The following NPSR1 variants were observed in gnomAD, a reference collection of about 807,000 sequenced individuals.
NPSR1 encodes the protein neuropeptide S receptor.
In NPSR1, 48 loss-of-function variants were observed where a neutral mutation model predicts 46.9. The ratio of observed to expected loss-of-function variants is 1.02; its 90% CI spans 0.81 to 1.30. The LOEUF is 1.30. NPSR1 is among the 50% of genes most tolerant of loss of function. NPSR1 has a pLI of 0.00. For missense variants in NPSR1, 450 were observed against 449.5 expected (o/e 1.00, Z -0.01); for synonymous variants, 176 against 168.1 (o/e 1.05, Z -0.36).
At chr7:34,834,841 T>A (rs1388603613) in intron 6 of NPSR1, among the ~76,000 whole-genome samples, 1 of 152,240 alleles carries the variant, frequency 6.6e-6, no homozygotes, top group African/African-American at 2.4e-5. Flanking sequence ...CATAGGCTTT[T>A]CTGATTGGCT....
intron 3 of NPSR1, among the ~76,000 whole-genome samples, chr7:34,783,303 C>A (rs117514538): frequency 0.013 from 1,910 of 152,122 alleles, 26 homozygotes; most frequent in Non-Finnish European, 0.022. Flanking sequence ...GAAGGGAAAG[C>A]AAACATGTCC....
intron 8 of NPSR1, 76 bp downstream of exon 8, chr7:34,848,739 A>C: frequency 7.6e-7 from 1 of 1,312,010 alleles, no homozygotes; most frequent in Non-Finnish European, 1.1e-6. Context: ...TGGGTTTCTC[A>C]TGTCCAAACT....
rs369258667 is a variant in NPSR1 at position 34,797,598 on chromosome 7, CAGA to C, written c.385-14166_385-14164del. On this transcript the variant is annotated intron_variant, in intron 3 of 8. Coordinates refer to ENST00000360581, the MANE Select transcript of NPSR1 (RefSeq NM_207172.2). ...CAGAAATACCAAAAAAAGAAAAGAGCAGAAGAAGTATTTGAAGAAATAAAAGAT... is the reference window on the plus strand; with the variant it reads ...CAGAAATACCAAAAAAAGAAAAGAGCAGAAGTATTTGAAGAAATAAAAGAT... Among the ~76,000 whole-genome samples the C allele has an allele frequency of 7.0e-4, 106 of 152,056 alleles. 1 individual carries two copies. The highest frequency in any genetic ancestry group is 2.0e-3 in the African/African-American group (83 of 41,474).
rs142475231 is a variant in NPSR1 at position 34,759,748 on chromosome 7, A to G, written c.281-18714A>G. Among the ~76,000 whole-genome samples, 467 of 152,284 alleles carry G rather than the reference A, an allele frequency of 3.1e-3. 1 individual carries two copies. Among genetic ancestry groups the G allele is most frequent in the African/African-American group, 0.011 (446 of 41,564 alleles). ...TCCTTCCACACCTCAATAGTTCTTCACAGGAAGCAGTCCTGGGGCATTTGG... is the reference window on the plus strand; with the variant it reads ...TCCTTCCACACCTCAATAGTTCTTCGCAGGAAGCAGTCCTGGGGCATTTGG... On this transcript the variant is annotated intron_variant, in intron 2 of 8. Transcript: ENST00000360581.
At chr7:34,871,956 A>G (rs1024472662) in intron 8 of NPSR1, among the ~76,000 whole-genome samples, 11 of 151,900 alleles carry the variant, frequency 7.2e-5, no homozygotes, top group Non-Finnish European at 1.6e-4. Context: ...CCCCCTTCCC[A>G]TAGCTCCACT....
chr7:34,804,298 A>C (rs566330313), intron 3 of NPSR1, among the ~76,000 whole-genome samples: 21 of 152,266 alleles, frequency 1.4e-4, no homozygotes, highest in African/African-American at 5.1e-4. Flanking sequence ...TTAAAGGTAT[A>C]ATCATGTATA....
intron 1 of NPSR1, among the ~76,000 whole-genome samples, chr7:34,671,348 A>G (rs942735620): frequency 6.6e-6 from 1 of 152,190 alleles, no homozygotes; most frequent in Non-Finnish European, 1.5e-5. Flanking sequence ...GAGTGAGCAC[A>G]TATTATATTT....
chr7:34,742,804 C>T (rs180780318), intron 2 of NPSR1, among the ~76,000 whole-genome samples: 9 of 152,332 alleles, frequency 5.9e-5, no homozygotes, highest in Admixed American at 3.3e-4. Flanking sequence ...TTCTCTGCAA[C>T]GTCACCAGCA....
chr7:34,857,236 G>A (rs1441869352), intron 8 of NPSR1, among the ~76,000 whole-genome samples: 2 of 151,652 alleles, frequency 1.3e-5, no homozygotes, highest in African/African-American at 4.9e-5. Flanking sequence ...ATGCCAAGAG[G>A]AATTTGGTAG....
intron 2 of NPSR1, among the ~76,000 whole-genome samples, chr7:34,722,985 C>A (rs1290222860): frequency 6.6e-6 from 1 of 152,128 alleles, no homozygotes; most frequent in African/African-American, 2.4e-5. Flanking sequence ...GTCACAGTGG[C>A]CTTTCCCAGC....
chr7:34,740,003 T>G (rs1430797542), intron 2 of NPSR1, among the ~76,000 whole-genome samples: 1 of 151,644 alleles, frequency 6.6e-6, no homozygotes, highest in African/African-American at 2.4e-5. Context: ...GCTAGCAGGG[T>G]GAGTAGGAAA....
chr7:34,754,775 T>C (rs1306066360), intron 2 of NPSR1, among the ~76,000 whole-genome samples: 1 of 152,216 alleles, frequency 6.6e-6, no homozygotes, highest in Non-Finnish European at 1.5e-5. Flanking sequence ...AAATACCTTT[T>C]AGCTATAACT....
At chr7:34,788,467 A>C (rs1787569606) in intron 3 of NPSR1, among the ~76,000 whole-genome samples, 1 of 152,130 alleles carries the variant, frequency 6.6e-6, no homozygotes, top group African/African-American at 2.4e-5. Context: ...AAAATGGAAA[A>C]AAGATATTCC....
chr7:34,761,316 C>A (rs531839591), intron 2 of NPSR1: 2 of 152,298 alleles, frequency 1.3e-5, no homozygotes, highest in South Asian at 4.1e-4. Context: ...AATGATTAGA[C>A]TCTTCTACTA....
intron 4 of NPSR1, among the ~76,000 whole-genome samples, chr7:34,815,099 G>A (rs1435382278): frequency 6.6e-6 from 1 of 152,072 alleles, no homozygotes; most frequent in Admixed American, 6.5e-5. Context: ...GCTTCAGAAG[G>A]TCGGTAATAA....
At chr7:34,751,221 A>C (rs1785506252) in intron 2 of NPSR1, 2 of 1,116,318 alleles carry the variant, frequency 1.8e-6, no homozygotes, top group African/African-American at 1.5e-5. Flanking sequence ...CCAGATCCCC[A>C]GTGGCAACGA....
At chr7:34,786,817 A>G (rs552994229) in intron 3 of NPSR1, among the ~76,000 whole-genome samples, 4 of 152,224 alleles carry the variant, frequency 2.6e-5, no homozygotes, top group African/African-American at 7.2e-5. Flanking sequence ...TGAGCAGTAG[A>G]TATCAACAGG....
chr7:34,719,331 G>A (rs1783735611), intron 2 of NPSR1: 1 of 152,258 alleles, frequency 6.6e-6, no homozygotes, highest in South Asian at 2.1e-4. Context: ...GGGAAGGAAG[G>A]AGGCTTTTTC....
At chr7:34,694,680 T>C (rs1304799127) in intron 2 of NPSR1, among the ~76,000 whole-genome samples, 2 of 152,200 alleles carry the variant, frequency 1.3e-5, no homozygotes, top group Admixed American at 1.3e-4. Context: ...AAAGTTTATA[T>C]AGAATTTTAA....
Sources: gnomAD v4.1 joint callset for allele counts (sites outside exome capture counted in the v4.1 genomes callset) on GRCh38, gnomAD v4.1.1 for gene constraint, MANE v1.5 for transcripts, NCBI Gene and HGNC (gene_info 2026-07-23, HGNC 2026-07-21) for gene names.